The following CHD2 variants were observed in gnomAD, a reference collection of about 807,000 sequenced individuals.
The protein encoded by CHD2 is ATP-dependent chromatin remodeler CHD2.
CHD2 carries 28 observed loss-of-function variants against 243.9 expected under a neutral mutation model. That is an observed-to-expected ratio of 0.11 (90% CI 0.09 to 0.16). The LOEUF is 0.16. Ranked by LOEUF, CHD2 falls within the 10% of genes least tolerant of loss-of-function variation. The pLI is 1.00. For missense variants in CHD2, 1,386 were observed against 2,209.8 expected (o/e 0.63, Z 7.47); for synonymous variants, 775 against 779.0 (o/e 0.99, Z 0.09).
chr15:92,904,920 C>T (rs2052591236), intron 2 of CHD2: 8 of 1,535,816 alleles, frequency 5.2e-6, no homozygotes, highest in Non-Finnish European at 7.0e-6. Context: ...GGCTCATAAA[C>T]AAAGGGAAGA....
At chr15:92,916,842 GCTC>G (rs2052847250) in intron 2 of CHD2, among the ~76,000 whole-genome samples, 1 of 152,196 alleles carries the variant, frequency 6.6e-6, no homozygotes, top group Admixed American at 6.5e-5. Flanking sequence ...ATGAGCTACT[GCTC>G]CTGGCTGATT....
intron 20 of CHD2, among the ~76,000 whole-genome samples, chr15:92,976,758 G>T (rs768447170): frequency 6.6e-6 from 1 of 151,440 alleles, no homozygotes; most frequent in African/African-American, 2.4e-5. Flanking sequence ...AAAATGAGCC[G>T]TGCATAGTAT....
chr15:93,024,323 T>G, intron 38 of CHD2, 49 bp from the exon 39 acceptor site: 1 of 1,540,742 alleles, frequency 6.5e-7, no homozygotes, highest in Non-Finnish European at 8.9e-7. Flanking sequence ...GAGAAGTGGA[T>G]GGGAATCTGG....
rs1248526429 is a variant in CHD2 at position 93,014,799 on chromosome 15, A to G, written c.4796A>G (p.His1599Arg). 1.2e-6 allele frequency: 2 copies of G among 1,614,172 alleles called. No individual in the cohort carries two copies. Among genetic ancestry groups the G allele is most frequent in the South Asian group, 1.1e-5 (1 of 91,086 alleles). The change falls in exon 37 of 39, where the codon CAC (histidine) becomes CGC (arginine). Residue 1599 changes from histidine (H) to arginine (R), a missense_variant. By Grantham distance (29) the His-to-Arg change is conservative. Coordinates refer to ENST00000394196, the MANE Select transcript of CHD2 (RefSeq NM_001271.4). Reference sequence around the variant, plus strand: ...CTGATATCTCAGTCCCATACCTCACACAACCTTCACCCTCAGAAGCCTCAT... The same window carrying G: ...CTGATATCTCAGTCCCATACCTCACGCAACCTTCACCCTCAGAAGCCTCAT... ...DSLISQSHTSHNLHPQKPHLP... is the reference protein window; with the variant it reads ...DSLISQSHTSRNLHPQKPHLP...
chr15:92,980,222 CTTTTT>C (rs55979414), intron 22 of CHD2, among the ~76,000 whole-genome samples: 3 of 124,934 alleles, frequency 2.4e-5, no homozygotes, highest in Non-Finnish European at 5.0e-5. Flanking sequence ...TTTTTTTTTT[CTTTTT>C]TTTTTTTTTT....
Position 92,949,344 on chromosome 15 carries a change from CAT to C in CHD2, c.1502+271_1502+272del, listed in dbSNP as rs1250705630. The stretch of plus-strand genomic sequence containing the variant: ...TGTCATAGCCAGAAACCTGTATCAT[CAT>C]ATGTTACTCATGAGTGTATATAGCA... On this transcript the variant is annotated intron_variant, in intron 13 of 38. Coordinates refer to ENST00000394196, the MANE Select transcript of CHD2 (RefSeq NM_001271.4). The C allele has an allele frequency of 9.9e-6, 7 of 708,670 alleles. No homozygotes were observed. In the African/African-American group the frequency reaches 1.3e-4, roughly 13 times the overall value. 43.9% of individuals were successfully genotyped at this position (708,670 alleles called of 1,614,324 possible). A position where few individuals can be genotyped will look rare whatever the true frequency, so the allele number is the denominator to read the frequency against.
chr15:92,918,879 A>C (rs1313440078), intron 2 of CHD2, among the ~76,000 whole-genome samples: 1 of 151,954 alleles, frequency 6.6e-6, no homozygotes, highest in African/African-American at 2.4e-5. Context: ...ATTTTTTGAG[A>C]CAGAGTTTTG....
intron 21 of CHD2, 77 bp downstream of exon 21, chr15:92,978,460 A>G: frequency 6.9e-7 from 1 of 1,452,128 alleles, no homozygotes; most frequent in Non-Finnish European, 9.4e-7. Context: ...CAGGATGTTA[A>G]TAAAATGCTT....
rs1260340934 is a variant in CHD2 at position 92,940,823 on chromosome 15, ATAT to A, written c.693-995_693-993del. Among the ~76,000 whole-genome samples, 1,112 of 143,240 alleles carry A rather than the reference ATAT, an allele frequency of 7.8e-3. 50 individuals carry two copies. The highest frequency in any genetic ancestry group is 0.066 in the Admixed American group (914 of 13,942). 94.0% of individuals were successfully genotyped at this position (143,240 alleles called of 152,430 possible). On this transcript the variant is annotated intron_variant, in intron 7 of 38. Transcript: ENST00000394196. Reference sequence around the variant, plus strand: ...TATAAATAAATATAAATATATATAAATATTATAAATATATAAAAATATATATAA... The same window carrying A: ...TATAAATAAATATAAATATATATAAATATAAATATATAAAAATATATATAA...
In CHD2 at chr15:93,009,216, G is replaced by A. The variant is rs143356457; in HGVS notation, c.4485G>A (p.Val1495=). Residue 1495 remains valine (V), a synonymous_variant, in exon 35 of 39, where the codon GTG becomes GTA. Transcript: ENST00000394196. ...QLDKPDKGLN[V]QEQLEHTRNC... ...ACAAACCTGACAAGGGGCTCAACGT[G>A]CAAGAACAGCTGGAACACACCCGGA... 1.8e-5 allele frequency: 29 copies of A among 1,614,228 alleles called. No homozygotes were observed. In the African/African-American group the frequency reaches 3.3e-4, roughly 19 times the overall value.
chr15:92,958,365 T>G, intron 16 of CHD2, among the ~76,000 whole-genome samples: 1 of 152,238 alleles, frequency 6.6e-6, no homozygotes, highest in South Asian at 2.1e-4. Context: ...TTGAACGTCT[T>G]TTCATGTGTT....
At chr15:93,009,082 A>G in intron 34 of CHD2, 63 bp from the exon 35 acceptor site, 1 of 1,553,828 alleles carries the variant, frequency 6.4e-7, no homozygotes, top group Non-Finnish European at 8.8e-7. Flanking sequence ...GAGCACAGTA[A>G]GCAAAGGACA....
chr15:92,916,083 G>A (rs2052829605), intron 2 of CHD2, among the ~76,000 whole-genome samples: 1 of 152,216 alleles, frequency 6.6e-6, no homozygotes, highest in Non-Finnish European at 1.5e-5. Flanking sequence ...GCAACTGTTT[G>A]TCTATTATCT....
intron 37 of CHD2, among the ~76,000 whole-genome samples, chr15:93,017,977 T>A (rs899512243): frequency 3.3e-5 from 5 of 152,202 alleles, no homozygotes; most frequent in Non-Finnish European, 5.9e-5. Flanking sequence ...TTCTTTTATT[T>A]AAACCTTGGA....
At chr15:93,002,409 A>G in intron 33 of CHD2, 92 bp downstream of exon 33, 1 of 1,533,418 alleles carries the variant, frequency 6.5e-7, no homozygotes, top group Admixed American at 2.4e-5. Context: ...GGGCCCTGGA[A>G]TAATTGTCTT....
chr15:93,021,319 C>A (rs2054532763), intron 38 of CHD2: 1 of 152,018 alleles, frequency 6.6e-6, no homozygotes, highest in Non-Finnish European at 1.5e-5. Flanking sequence ...TAAAAAAAAT[C>A]ACTGATTATG....
chr15:92,988,720 C>T (rs920999146), intron 26 of CHD2, among the ~76,000 whole-genome samples: 2 of 151,884 alleles, frequency 1.3e-5, no homozygotes, highest in African/African-American at 4.8e-5. Context: ...GTTCTCTCTT[C>T]TTCAGGCTAA....
At chr15:92,950,921 G>A (rs1376046561) in intron 13 of CHD2, among the ~76,000 whole-genome samples, 1 of 152,106 alleles carries the variant, frequency 6.6e-6, no homozygotes, top group Non-Finnish European at 1.5e-5. Flanking sequence ...TGAAAATTAG[G>A]TGTCTTGAGA....
At chr15:92,945,645 G>GC in intron 10 of CHD2, 176 bp from the exon 11 acceptor site, 2 of 356,554 alleles carry the variant, frequency 5.6e-6, no homozygotes, top group Non-Finnish European at 1.0e-5. Context: ...CAATCTGCCT[G>GC]CCTTGGCCTC....
Sources: gnomAD v4.1 joint callset for allele counts (sites outside exome capture counted in the v4.1 genomes callset) on GRCh38, gnomAD v4.1.1 for gene constraint, MANE v1.5 for transcripts, NCBI Gene and HGNC (gene_info 2026-07-23, HGNC 2026-07-21) for gene names.